IMMP2L: variants seen among roughly 807,000 people sequenced by gnomAD.
IMMP2L encodes the protein inner mitochondrial membrane peptidase subunit 2.
IMMP2L carries 18 observed loss-of-function variants against 19.3 expected under a neutral mutation model. The ratio of observed to expected loss-of-function variants is 0.93; its 90% CI spans 0.64 to 1.38. IMMP2L has a LOEUF of 1.38. Ranked by LOEUF, IMMP2L falls within the 40% of genes most tolerant of loss-of-function variation. The pLI, the probability that IMMP2L is intolerant of heterozygous loss-of-function variation, is 0.00. For missense variants in IMMP2L, 233 were observed against 218.2 expected, an observed-to-expected ratio of 1.07 and a Z score of -0.43; for synonymous variants, 76 against 73.0, an observed-to-expected ratio of 1.04 and a Z score of -0.21.
In IMMP2L at chr7:110,717,867, G is replaced by A. The variant is rs183242015; in HGVS notation, c.409-54146C>T. Among the ~76,000 whole-genome samples, 5 of 152,270 alleles carry A rather than the reference G, an allele frequency of 3.3e-5. No homozygotes were observed. In the East Asian group the frequency reaches 9.7e-4, roughly 29 times the overall value. ...CTTCAAAAATACTGTCAAAGAGCAG[G>A]AATTATTAATAGATAAAACTAGAGG... On this transcript the variant is annotated intron_variant, in intron 5 of 5. Coordinates refer to ENST00000405709, the MANE Select transcript of IMMP2L (RefSeq NM_032549.4).
intron 3 of IMMP2L, among the ~76,000 whole-genome samples, chr7:111,075,252 G>A (rs1359856145): frequency 6.6e-6 from 1 of 150,474 alleles, no homozygotes; most frequent in African/African-American, 2.5e-5. Context: ...TCAGCCTCCT[G>A]AGTAGCTGGG....
intron 3 of IMMP2L, among the ~76,000 whole-genome samples, chr7:111,419,718 C>T (rs1835304328): frequency 6.6e-6 from 1 of 151,364 alleles, no homozygotes; most frequent in South Asian, 2.1e-4. Flanking sequence ...CCACCATGGG[C>T]ACATATCGTC....
chr7:111,186,426 A>AT (rs201342196), intron 3 of IMMP2L, among the ~76,000 whole-genome samples: 1,877 of 146,290 alleles, frequency 0.013, 47 homozygotes, highest in Admixed American at 0.052. Flanking sequence ...ATATCTTTCA[A>AT]TTTTTTTTTT....
At chr7:110,902,331 A>T (rs1229961470) in intron 4 of IMMP2L, among the ~76,000 whole-genome samples, 3 of 151,798 alleles carry the variant, frequency 2.0e-5, no homozygotes, top group Non-Finnish European at 4.4e-5. Flanking sequence ...GAAACAAACA[A>T]AAAACAGTAA....
intron 3 of IMMP2L, among the ~76,000 whole-genome samples, chr7:111,337,195 T>C (rs1455253810): frequency 6.6e-6 from 1 of 152,040 alleles, no homozygotes; most frequent in East Asian, 1.9e-4. Flanking sequence ...AATGTCTGGG[T>C]TTTCTTTTTT....
chr7:110,679,696 T>C (rs1792570522), intron 5 of IMMP2L, among the ~76,000 whole-genome samples: 1 of 152,206 alleles, frequency 6.6e-6, no homozygotes. Context: ...TCTGGGTGGC[T>C]ATCTGGCTTC....
At chr7:111,493,932 G>A (rs192672887) in intron 2 of IMMP2L, among the ~76,000 whole-genome samples, 11 of 151,514 alleles carry the variant, frequency 7.3e-5, no homozygotes, top group Non-Finnish European at 1.2e-4. Flanking sequence ...CCCAGGAGGC[G>A]GGGCTTGCAG....
At chr7:111,280,207 T>C (rs1285078271) in intron 3 of IMMP2L, among the ~76,000 whole-genome samples, 10 of 152,154 alleles carry the variant, frequency 6.6e-5, no homozygotes, top group Admixed American at 6.5e-4. Context: ...CACAGCCTCC[T>C]TTCTGTTTTA....
intron 3 of IMMP2L, among the ~76,000 whole-genome samples, chr7:111,034,923 G>C (rs1206733806): frequency 6.6e-6 from 1 of 152,056 alleles, no homozygotes; most frequent in East Asian, 1.9e-4. Context: ...AACCAAAACA[G>C]ACAGATTGTT....
chr7:111,486,545 ATTAGACAAGTTT>A (rs2132264928), intron 3 of IMMP2L, among the ~76,000 whole-genome samples: 1 of 152,292 alleles, frequency 6.6e-6, no homozygotes, highest in African/African-American at 2.4e-5. Flanking sequence ...ACCAGAAGAA[ATTAGACAAGTTT>A]GGCTACAGTC....
At chr7:111,389,575 G>A (rs1832129769) in intron 3 of IMMP2L, among the ~76,000 whole-genome samples, 1 of 152,000 alleles carries the variant, frequency 6.6e-6, no homozygotes, top group South Asian at 2.1e-4. Context: ...GTAATGGTAA[G>A]AGGAGAGGGA....
In IMMP2L at chr7:110,757,860, A is replaced by T. The variant is rs558900205; in HGVS notation, c.409-94139T>A. 6.6e-6 allele frequency among the ~76,000 whole-genome samples: 1 copy of T among 152,170 alleles called. No individual in the cohort carries two copies. The highest frequency in any genetic ancestry group is 1.5e-5 in the Non-Finnish European group (1 of 67,982). The stretch of plus-strand genomic sequence containing the variant: ...GTAGACTCCTGAAAGTGGGGAGGGG[A>T]AGCCATGCAGCTGTTTGGAGGAAGA... On this transcript the variant is annotated intron_variant, in intron 5 of 5. Transcript: ENST00000405709. The surrounding 1 kb of genome is among the most constrained non-coding windows in gnomAD (Gnocchi z 4.2).
chr7:111,164,144 G>A (rs1490828208), intron 3 of IMMP2L, among the ~76,000 whole-genome samples: 4 of 135,920 alleles, frequency 2.9e-5, no homozygotes, highest in Non-Finnish European at 4.7e-5. Context: ...AGGGAGAGAG[G>A]AAGGAAGGAA....
At chr7:110,737,599 A>G (rs1489450204) in intron 5 of IMMP2L, among the ~76,000 whole-genome samples, 1 of 152,120 alleles carries the variant, frequency 6.6e-6, no homozygotes, top group African/African-American at 2.4e-5. Flanking sequence ...CTGGTAGCTG[A>G]AGAAAAAGGT....
At chr7:110,807,861 C>T (rs1801737289) in intron 5 of IMMP2L, among the ~76,000 whole-genome samples, 1 of 152,038 alleles carries the variant, frequency 6.6e-6, no homozygotes, top group Non-Finnish European at 1.5e-5. Flanking sequence ...GAACCAGATA[C>T]AAGTCAGAAG....
At chr7:110,899,655 T>C (rs1811663305) in intron 4 of IMMP2L, among the ~76,000 whole-genome samples, 1 of 152,138 alleles carries the variant, frequency 6.6e-6, no homozygotes, top group Non-Finnish European at 1.5e-5. Flanking sequence ...CAGTGAATTG[T>C]TTAGAGTCAG....
intron 2 of IMMP2L, among the ~76,000 whole-genome samples, chr7:111,490,340 A>T (rs1842994331): frequency 6.8e-6 from 1 of 147,994 alleles, no homozygotes; most frequent in South Asian, 2.2e-4. Context: ...GATGGTCTTG[A>T]ACTCCTGACC....
Position 110,762,254 on chromosome 7 carries a change from T to C in IMMP2L, c.409-98533A>G, listed in dbSNP as rs544190969. Among the ~76,000 whole-genome samples, 147 of 151,990 alleles carry C rather than the reference T, an allele frequency of 9.7e-4. 1 individual carries two copies. In the East Asian group the frequency reaches 0.019, roughly 19 times the overall value. On this transcript the variant is annotated intron_variant, in intron 5 of 5. Coordinates refer to ENST00000405709, the MANE Select transcript of IMMP2L (RefSeq NM_032549.4). ...TGGTAAATGTATCACTTTTTTTTTT[T>C]CCCCATCGGCAAGGTGCTTCAGAGT...
chr7:110,964,643 T>C (rs1819344047), intron 3 of IMMP2L, among the ~76,000 whole-genome samples: 1 of 152,074 alleles, frequency 6.6e-6, no homozygotes, highest in Non-Finnish European at 1.5e-5. Context: ...TGCAGTTCCT[T>C]TCCAGACTGT....
Sources: allele counts gnomAD v4.1 joint callset (sites outside exome capture counted in the v4.1 genomes callset), GRCh38; gene constraint gnomAD v4.1.1; non-coding constraint Gnocchi (gnomAD v3.1); transcripts MANE v1.5; gene names NCBI Gene and HGNC (gene_info 2026-07-23, HGNC 2026-07-21).